CAMK1D: variants seen among roughly 807,000 people sequenced by gnomAD.
The protein encoded by CAMK1D is calcium/calmodulin dependent protein kinase ID.
A neutral mutation model predicts 47.7 loss-of-function variants in CAMK1D; 9 were observed. The ratio of observed to expected loss-of-function variants is 0.19; its 90% CI spans 0.11 to 0.33. The LOEUF is 0.33. Ranked by LOEUF, CAMK1D falls within the 10% of genes least tolerant of loss-of-function variation. The probability of loss-of-function intolerance (pLI) is 1.00; values close to 1 mark genes in which losing one functional copy is unlikely to be tolerated. For missense variants in CAMK1D, 291 were observed against 488.7 expected, an observed-to-expected ratio of 0.60 and a Z score of 3.81; for synonymous variants, 184 against 184.9, an observed-to-expected ratio of 0.99 and a Z score of 0.04.
At chr10:12,676,721 C>A (rs1303308364) in intron 3 of CAMK1D, among the ~76,000 whole-genome samples, 2 of 151,960 alleles carry the variant, frequency 1.3e-5, no homozygotes, top group Admixed American at 6.5e-5. Flanking sequence ...ATAGCATTTT[C>A]TAGGAAAAAA....
chr10:12,595,639 C>T (rs1261218224), intron 2 of CAMK1D, among the ~76,000 whole-genome samples: 2 of 152,120 alleles, frequency 1.3e-5, no homozygotes, highest in Non-Finnish European at 2.9e-5. Flanking sequence ...GTCCATAGCC[C>T]GTTCTGTCCC....
intron 1 of CAMK1D, among the ~76,000 whole-genome samples, chr10:12,352,978 C>T (rs1306458190): frequency 2.0e-5 from 3 of 152,086 alleles, no homozygotes; most frequent in South Asian, 2.1e-4. Flanking sequence ...ACCTCATGAT[C>T]CGCCTGCCTC....
At chr10:12,466,280 C>T (rs1833587128) in intron 1 of CAMK1D, among the ~76,000 whole-genome samples, 1 of 151,858 alleles carries the variant, frequency 6.6e-6, no homozygotes, top group South Asian at 2.1e-4. Context: ...TGGTGGTGAG[C>T]ACTTGTATTC....
chr10:12,528,891 G>C (rs187946595), intron 1 of CAMK1D, among the ~76,000 whole-genome samples: 2 of 151,998 alleles, frequency 1.3e-5, no homozygotes, highest in Non-Finnish European at 2.9e-5. Flanking sequence ...ACAGGTGCAT[G>C]CCGTTACACC....
intron 1 of CAMK1D, among the ~76,000 whole-genome samples, chr10:12,492,137 T>C (rs1834403575): frequency 6.6e-6 from 1 of 151,724 alleles, no homozygotes; most frequent in Non-Finnish European, 1.5e-5. Flanking sequence ...TTTCACAGGG[T>C]CTCTTTGAGA....
chr10:12,588,218 G>A (rs1367807100), intron 2 of CAMK1D, among the ~76,000 whole-genome samples: 3 of 152,176 alleles, frequency 2.0e-5, no homozygotes, highest in Non-Finnish European at 4.4e-5. Context: ...AGCTCTGCCA[G>A]ATGTTTGCAA....
At chr10:12,629,205 ATCT>A (rs781178178) in intron 2 of CAMK1D, among the ~76,000 whole-genome samples, 3 of 152,198 alleles carry the variant, frequency 2.0e-5, no homozygotes, top group Non-Finnish European at 4.4e-5. Context: ...GTATGCAGTA[ATCT>A]TCTTAGAGAG....
intron 6 of CAMK1D, among the ~76,000 whole-genome samples, chr10:12,812,740 C>T (rs1032260762): frequency 1.3e-5 from 2 of 152,226 alleles, no homozygotes; most frequent in Admixed American, 6.5e-5. Flanking sequence ...CTCCGCCTTC[C>T]TGCAGCCTTA....
Position 12,717,712 on chromosome 10 carries a change from T to G in CAMK1D, c.300-43236T>G, listed in dbSNP as rs549494050. On this transcript the variant is annotated intron_variant, in intron 3 of 10. Transcript: ENST00000619168. The stretch of plus-strand genomic sequence containing the variant: ...ACCAGCCTGGATAACATAGAGAGGC[T>G]TTGTCTCTACAAAAAATTGAAAAAA... Among the ~76,000 whole-genome samples the G allele has an allele frequency of 3.4e-4, 44 of 129,704 alleles. 2 individuals are homozygous for G. The South Asian group carries it at 0.01, about 30-fold the overall frequency. 85.1% of individuals were successfully genotyped at this position (129,704 alleles called of 152,430 possible).
At chr10:12,691,363 A>T (rs1345354960) in intron 3 of CAMK1D, among the ~76,000 whole-genome samples, 2 of 60,600 alleles carry the variant, frequency 3.3e-5, no homozygotes, top group African/African-American at 9.0e-5. Flanking sequence ...ATATATATAT[A>T]TATATATATA....
intron 4 of CAMK1D, among the ~76,000 whole-genome samples, chr10:12,766,438 CAAAG>C (rs905852109): frequency 3.5e-5 from 5 of 144,618 alleles, no homozygotes; most frequent in African/African-American, 1.3e-4. Context: ...ACGTGGCTGA[CAAAG>C]AAAAGGGAGA....
At position 12,751,548 on chromosome 10, in the gene CAMK1D, G is replaced by A. The variant is rs188973986; in HGVS notation, c.300-9400G>A. Among the ~76,000 whole-genome samples, 1,107 of 152,282 alleles carry A rather than the reference G, an allele frequency of 7.3e-3. 19 individuals are homozygous for A. The highest frequency in any genetic ancestry group is 0.025 in the African/African-American group (1,047 of 41,572). On this transcript the variant is annotated intron_variant, in intron 3 of 10. Coordinates refer to ENST00000619168, the MANE Select transcript of CAMK1D (RefSeq NM_153498.4). ...TCGTGGAGTTCACAGTCTGGGATAG[G>A]GTGGGACAGGAGGAGGAGCCTGACC...
chr10:12,386,360 C>A (rs527282357), intron 1 of CAMK1D, among the ~76,000 whole-genome samples: 1 of 152,106 alleles, frequency 6.6e-6, no homozygotes, highest in Admixed American at 6.5e-5. Context: ...TTGCTTGAAG[C>A]CCAGAGGTGG....
At chr10:12,704,909 AG>A (rs1165096158) in intron 3 of CAMK1D, among the ~76,000 whole-genome samples, 1 of 152,230 alleles carries the variant, frequency 6.6e-6, no homozygotes, top group East Asian at 1.9e-4. Context: ...TATTGGTTCT[AG>A]GAACATGAAA....
intron 1 of CAMK1D, among the ~76,000 whole-genome samples, chr10:12,381,954 C>CA (rs1247022171): frequency 1.3e-5 from 2 of 152,134 alleles, no homozygotes; most frequent in African/African-American, 4.8e-5. Flanking sequence ...GCTATATACT[C>CA]ACGACACTTC....
chr10:12,738,518 A>T (rs12265311), intron 3 of CAMK1D, among the ~76,000 whole-genome samples: 1,941 of 152,324 alleles, frequency 0.013, 42 homozygotes, highest in African/African-American at 0.044. Flanking sequence ...AGAAATATCC[A>T]CAGGGAATAT....
chr10:12,586,956 G>C (rs758560050), intron 2 of CAMK1D, among the ~76,000 whole-genome samples: 3 of 152,134 alleles, frequency 2.0e-5, no homozygotes, highest in Non-Finnish European at 4.4e-5. Flanking sequence ...TGCTGATAAG[G>C]ACCATGACTC....
chr10:12,507,308 A>T (rs1834905505), intron 1 of CAMK1D, among the ~76,000 whole-genome samples: 1 of 152,178 alleles, frequency 6.6e-6, no homozygotes, highest in Admixed American at 6.5e-5. Flanking sequence ...TTCTTATATA[A>T]GCTTGGATGG....
chr10:12,685,607 T>G (rs1296110730), intron 3 of CAMK1D, among the ~76,000 whole-genome samples: 1 of 152,202 alleles, frequency 6.6e-6, no homozygotes, highest in Non-Finnish European at 1.5e-5. Flanking sequence ...CATCATCTGT[T>G]TCCAGGAATA....
Sources: allele counts gnomAD v4.1 joint callset (sites outside exome capture counted in the v4.1 genomes callset), GRCh38; gene constraint gnomAD v4.1.1; transcripts MANE v1.5; gene names NCBI Gene and HGNC (gene_info 2026-07-23, HGNC 2026-07-21).